Variants in EBF1 observed in about 807,000 individuals in gnomAD.
The protein encoded by EBF1 is EBF transcription factor 1, also known as transcription factor COE1.
A neutral mutation model predicts 68.4 loss-of-function variants in EBF1; 10 were observed. The observed-to-expected ratio is 0.15, with a 90% CI of 0.09 to 0.25. EBF1 has a LOEUF of 0.25. Ranked by LOEUF, EBF1 falls within the 10% of genes least tolerant of loss-of-function variation. The pLI is 1.00. For missense variants in EBF1, 509 were observed against 794.4 expected (o/e 0.64, Z 4.32); for synonymous variants, 298 against 299.8 (o/e 0.99, Z 0.06).
At chr5:158,992,416 T>C (rs1251026400) in intron 6 of EBF1, among the ~76,000 whole-genome samples, 3 of 152,112 alleles carry the variant, frequency 2.0e-5, no homozygotes, top group Non-Finnish European at 2.9e-5. Context: ...TTAGATCCAT[T>C]TCTCTTCCCT....
intron 5 of EBF1, among the ~76,000 whole-genome samples, chr5:159,078,058 G>A (rs1779101281): frequency 6.6e-6 from 1 of 151,994 alleles, no homozygotes; most frequent in African/African-American, 2.4e-5. Context: ...TGCTTTATAT[G>A]GCAATATGCT....
chr5:159,028,703 G>C (rs1293164744), intron 6 of EBF1, among the ~76,000 whole-genome samples: 1 of 152,214 alleles, frequency 6.6e-6, no homozygotes, highest in African/African-American at 2.4e-5. Flanking sequence ...ATTTGTTAAA[G>C]GATAAATGGA....
chr5:158,717,845 T>C (rs1380974956), intron 11 of EBF1, among the ~76,000 whole-genome samples: 1 of 152,172 alleles, frequency 6.6e-6, no homozygotes, highest in Non-Finnish European at 1.5e-5. Flanking sequence ...TTTTCACTGA[T>C]TGATTTCATC....
intron 6 of EBF1, among the ~76,000 whole-genome samples, chr5:158,938,776 C>T (rs1812626874): frequency 1.3e-5 from 2 of 152,172 alleles, no homozygotes; most frequent in South Asian, 4.1e-4. Context: ...AACCTAATTA[C>T]CTCCCAAAAA....
intron 6 of EBF1, among the ~76,000 whole-genome samples, chr5:159,050,067 A>G (rs546412110): frequency 6.6e-6 from 1 of 152,198 alleles, no homozygotes; most frequent in Non-Finnish European, 1.5e-5. Context: ...AGGCCTTGGA[A>G]GAAGGCAAGG....
intron 10 of EBF1, among the ~76,000 whole-genome samples, chr5:158,739,405 G>A (rs536887344): frequency 4.3e-4 from 65 of 152,286 alleles, no homozygotes; most frequent in Non-Finnish European, 8.1e-4. Context: ...CAGCATGGCC[G>A]TCCAGGAGCC....
intron 10 of EBF1, among the ~76,000 whole-genome samples, chr5:158,760,460 A>C (rs1283107359): frequency 1.3e-5 from 2 of 152,172 alleles, no homozygotes; most frequent in East Asian, 3.8e-4. Context: ...TAGCTACTAT[A>C]AGGCAATGAA....
intron 5 of EBF1, among the ~76,000 whole-genome samples, chr5:159,082,522 TGCAAATTCA>T (rs1779919590): frequency 6.6e-6 from 1 of 152,190 alleles, no homozygotes; most frequent in Non-Finnish European, 1.5e-5. Context: ...GCACCCCTGG[TGCAAATTCA>T]GCACATCCCA....
chr5:159,007,547 T>G (rs1440335255), intron 6 of EBF1, among the ~76,000 whole-genome samples: 1 of 152,166 alleles, frequency 6.6e-6, no homozygotes, highest in Non-Finnish European at 1.5e-5. Context: ...ACATGAAAAT[T>G]TGGTTCGCTC....
intron 6 of EBF1, among the ~76,000 whole-genome samples, chr5:159,040,498 C>T (rs956052226): frequency 1.3e-5 from 2 of 152,174 alleles, no homozygotes; most frequent in African/African-American, 2.4e-5. Context: ...ATTTTAGTTT[C>T]GTCTGAAGCC....
chr5:158,993,952 G>C (rs1403905302), intron 6 of EBF1, among the ~76,000 whole-genome samples: 1 of 152,228 alleles, frequency 6.6e-6, no homozygotes, highest in Non-Finnish European at 1.5e-5. Flanking sequence ...CAAGGAATTT[G>C]CAAATGCCTA....
intron 7 of EBF1, among the ~76,000 whole-genome samples, chr5:158,827,793 A>C (rs2127895037): frequency 6.6e-6 from 1 of 152,340 alleles, no homozygotes; most frequent in Admixed American, 6.5e-5. Flanking sequence ...GACAAAAGCA[A>C]CCCAACATGT....
At chr5:158,932,902 C>T (rs1008390678) in intron 6 of EBF1, among the ~76,000 whole-genome samples, 8 of 152,154 alleles carry the variant, frequency 5.3e-5, no homozygotes, top group African/African-American at 1.9e-4. Flanking sequence ...GAGCCCAGAT[C>T]ATTTCTTAGC....
At chr5:158,970,546 T>C (rs1755437540) in intron 6 of EBF1, among the ~76,000 whole-genome samples, 1 of 152,232 alleles carries the variant, frequency 6.6e-6, no homozygotes, top group South Asian at 2.1e-4. Context: ...ATTGTGATCA[T>C]TTCTGCTTCA....
chr5:158,777,068 C>G (rs1775448469), intron 10 of EBF1, among the ~76,000 whole-genome samples: 1 of 152,162 alleles, frequency 6.6e-6, no homozygotes, highest in African/African-American at 2.4e-5. Context: ...TTCATGAAAG[C>G]ACAAACCTAC....
intron 8 of EBF1, among the ~76,000 whole-genome samples, chr5:158,818,167 C>G (rs1784122057): frequency 6.6e-6 from 1 of 152,148 alleles, no homozygotes; most frequent in Non-Finnish European, 1.5e-5. Context: ...AGAGCCTGAT[C>G]CTCCTTCTAT....
At chr5:158,871,602 A>T (rs1467008279) in intron 6 of EBF1, among the ~76,000 whole-genome samples, 1 of 152,218 alleles carries the variant, frequency 6.6e-6, no homozygotes, top group Admixed American at 6.5e-5. Flanking sequence ...CTGACTTTAT[A>T]AAACCCCCTG....
intron 11 of EBF1, among the ~76,000 whole-genome samples, chr5:158,722,096 T>C (rs907875301): frequency 4.6e-5 from 7 of 152,112 alleles, no homozygotes; most frequent in Non-Finnish European, 8.8e-5. Context: ...TTCCAATTCA[T>C]TGTACTGGTT....
intron 7 of EBF1, among the ~76,000 whole-genome samples, chr5:158,834,517 A>C (rs1788294650): frequency 6.6e-6 from 1 of 152,118 alleles, no homozygotes; most frequent in Non-Finnish European, 1.5e-5. Flanking sequence ...TAAAAAAAAA[A>C]AAACATTGTG....
Sources: allele counts gnomAD v4.1 joint callset (sites outside exome capture counted in the v4.1 genomes callset), GRCh38; gene constraint gnomAD v4.1.1; transcripts MANE v1.5; gene names NCBI Gene and HGNC (gene_info 2026-07-23, HGNC 2026-07-21).